UBE4B: variants seen among roughly 807,000 people sequenced by gnomAD.
The protein encoded by UBE4B is ubiquitin conjugation factor E4 B.
Under a neutral mutation model 148.1 loss-of-function variants are expected in UBE4B, and 27 were observed. The ratio of observed to expected loss-of-function variants is 0.18; its 90% CI spans 0.13 to 0.25. The LOEUF is 0.25. UBE4B is among the 10% of genes least tolerant of loss of function. The pLI is 1.00. For synonymous variants in UBE4B, 596 were observed against 619.3 expected, an observed-to-expected ratio of 0.96 and a Z score of 0.56; for missense variants, 1,170 against 1,662.4, an observed-to-expected ratio of 0.70 and a Z score of 5.15.
At chr1:10,055,322 C>T (rs1217642436) in intron 1 of UBE4B, among the ~76,000 whole-genome samples, 3 of 147,628 alleles carry the variant, frequency 2.0e-5, no homozygotes, top group Non-Finnish European at 4.5e-5. Context: ...CTTTTCTTTC[C>T]TTTCTTTATT....
intron 10 of UBE4B, among the ~76,000 whole-genome samples, chr1:10,124,056 T>G (rs906150220): frequency 1.3e-5 from 2 of 152,222 alleles, no homozygotes; most frequent in Non-Finnish European, 2.9e-5. Flanking sequence ...ATTACAGGCA[T>G]GAGCCAGCAC....
intron 7 of UBE4B, among the ~76,000 whole-genome samples, chr1:10,111,044 GACAC>G (rs55936075): frequency 0.095 from 10,756 of 113,252 alleles, 462 homozygotes; most frequent in Middle Eastern, 0.15. Flanking sequence ...CTCTGTCTCT[GACAC>G]ACACACACAC....
intron 25 of UBE4B, among the ~76,000 whole-genome samples, chr1:10,176,873 C>A (rs955013419): frequency 6.6e-6 from 1 of 150,466 alleles, no homozygotes; most frequent in East Asian, 2.0e-4. Context: ...GCAACCTCCA[C>A]CTCCCAGATT....
chr1:10,033,968 T>A (rs1643404277), intron 1 of UBE4B, among the ~76,000 whole-genome samples: 1 of 152,220 alleles, frequency 6.6e-6, no homozygotes, highest in Non-Finnish European at 1.5e-5. Context: ...GTGTTTATTC[T>A]TTTCTTCAGG....
At chr1:10,128,860 G>T (rs371939686) in intron 11 of UBE4B, 30 of 152,580 alleles carry the variant, frequency 2.0e-4, no homozygotes, top group African/African-American at 7.2e-4. Context: ...ATGTTAGGAT[G>T]GTTGGATGTC....
intron 16 of UBE4B, among the ~76,000 whole-genome samples, chr1:10,136,130 G>A (rs1180331199): frequency 6.6e-6 from 1 of 152,106 alleles, no homozygotes; most frequent in African/African-American, 2.4e-5. Context: ...TCTGTATTGT[G>A]TTGAAAAATG....
intron 11 of UBE4B, 80 bp from the exon 12 acceptor site, chr1:10,129,312 G>T: frequency 7.2e-7 from 1 of 1,393,164 alleles, no homozygotes; most frequent in Admixed American, 1.7e-5. Flanking sequence ...TATAGCAGCA[G>T]TTAAAACTGT....
intron 10 of UBE4B, 69 bp from the exon 11 acceptor site, chr1:10,126,725 T>C (rs1277155165): frequency 1.5e-5 from 20 of 1,349,644 alleles, no homozygotes; most frequent in Non-Finnish European, 2.1e-5. Context: ...TCTAGCACCT[T>C]ATTTGACATA....
At chr1:10,093,212 T>C (rs1366399310) in intron 2 of UBE4B, among the ~76,000 whole-genome samples, 1 of 152,218 alleles carries the variant, frequency 6.6e-6, no homozygotes, top group African/African-American at 2.4e-5. Context: ...TTGAAGTTTA[T>C]TATTGATTAA....
intron 10 of UBE4B, 106 bp downstream of exon 10, chr1:10,122,182 G>A (rs1248046921): frequency 1.5e-6 from 1 of 670,926 alleles, no homozygotes; most frequent in Non-Finnish European, 2.5e-6. Context: ...ACATCCATGT[G>A]TTATTAGAGA....
chr1:10,122,186 T>C (rs548232792), intron 10 of UBE4B, 110 bp downstream of exon 10: 4 of 649,506 alleles, frequency 6.2e-6, no homozygotes, highest in East Asian at 5.4e-5. Context: ...CCATGTGTTA[T>C]TAGAGAGAAG....
At chr1:10,052,296 T>A (rs1363248247) in intron 1 of UBE4B, among the ~76,000 whole-genome samples, 3 of 152,072 alleles carry the variant, frequency 2.0e-5, no homozygotes, top group African/African-American at 7.2e-5. Context: ...GGTCTTGAAC[T>A]CCTGGGCTCA....
chr1:10,081,293 C>T (rs914258738), intron 2 of UBE4B, among the ~76,000 whole-genome samples: 1 of 151,966 alleles, frequency 6.6e-6, no homozygotes, highest in African/African-American at 2.4e-5. Context: ...CTCCCGATGT[C>T]AGATGATCTG....
intron 1 of UBE4B, among the ~76,000 whole-genome samples, chr1:10,058,339 A>G (rs768888948): frequency 1.3e-5 from 2 of 152,088 alleles, no homozygotes; most frequent in East Asian, 1.9e-4. Context: ...GTGCCATTCT[A>G]CCCCCGTCTG....
intron 15 of UBE4B, among the ~76,000 whole-genome samples, chr1:10,134,373 G>A (rs368574334): frequency 5.9e-5 from 9 of 151,978 alleles, no homozygotes; most frequent in East Asian, 5.8e-4. Context: ...TTTGCCGGGC[G>A]TGGTGGCGGG....
At chr1:10,158,825 A>G (rs923977585) in intron 22 of UBE4B, among the ~76,000 whole-genome samples, 1 of 152,080 alleles carries the variant, frequency 6.6e-6, no homozygotes, top group Non-Finnish European at 1.5e-5. Flanking sequence ...CCTGGCCAAC[A>G]TGGTGAAACC....
At chr1:10,131,920 T>C (rs1296117068) in intron 14 of UBE4B, among the ~76,000 whole-genome samples, 5 of 151,702 alleles carry the variant, frequency 3.3e-5, no homozygotes, top group African/African-American at 1.2e-4. Context: ...CCACTGCACT[T>C]TAGCCTGGGC....
intron 1 of UBE4B, among the ~76,000 whole-genome samples, chr1:10,063,337 A>G (rs77056073): frequency 0.035 from 5,320 of 152,308 alleles, 142 homozygotes; most frequent in South Asian, 0.081. Context: ...TCTTCCAGGT[A>G]CCTCACACTC....
At chr1:10,046,923 T>C (rs1255250631) in intron 1 of UBE4B, among the ~76,000 whole-genome samples, 1 of 152,250 alleles carries the variant, frequency 6.6e-6, no homozygotes, top group Non-Finnish European at 1.5e-5. Flanking sequence ...GGCTTGAGTC[T>C]GCTTCATGTT....
Sources: gnomAD v4.1 joint callset for allele counts (sites outside exome capture counted in the v4.1 genomes callset) on GRCh38, gnomAD v4.1.1 for gene constraint, MANE v1.5 for transcripts, NCBI Gene and HGNC (gene_info 2026-07-23, HGNC 2026-07-21) for gene names.